ZFAND1: variants seen among roughly 807,000 people sequenced by gnomAD.
ZFAND1 encodes the protein zinc finger AN1-type containing 1, also known as AN1-type zinc finger protein 1.
Under a neutral mutation model 38.5 loss-of-function variants are expected in ZFAND1, and 40 were observed. The observed-to-expected ratio is 1.04, with a 90% CI of 0.81 to 1.35. ZFAND1 has a LOEUF of 1.35. ZFAND1 is among the 40% of genes most tolerant of loss of function. ZFAND1 has a pLI of 0.00. For synonymous variants in ZFAND1, 117 were observed against 103.6 expected (o/e 1.13, Z -0.78); for missense variants, 346 against 316.3 (o/e 1.09, Z -0.71).
intron 7 of ZFAND1, 25 bp from the exon 8 acceptor site, chr8:81,702,890 C>G: frequency 6.4e-7 from 1 of 1,566,052 alleles, no homozygotes; most frequent in South Asian, 1.2e-5. Context: ...GTAAGTCATA[C>G]TGTAATAAAT....
intron 6 of ZFAND1, among the ~76,000 whole-genome samples, chr8:81,705,831 T>G (rs1299778960): frequency 6.6e-6 from 1 of 152,184 alleles, no homozygotes; most frequent in Admixed American, 6.5e-5. Flanking sequence ...GGCACGAGAA[T>G]TGTTTGAACC....
At chr8:81,714,322 C>T (rs1808234851) in intron 5 of ZFAND1, 1 of 296,028 alleles carries the variant, frequency 3.4e-6, no homozygotes, top group East Asian at 7.4e-5. Flanking sequence ...CTACAGACAA[C>T]CTTAAGATTT....
At position 81,702,965 on chromosome 8, in the gene ZFAND1, T is replaced by C. The variant is rs750115084; in HGVS notation, c.636+4A>G. Reference sequence around the variant, plus strand: ...ATAGAAATATTATTATAATGAGATGTTACCTTAGCTGTAAATTTGTTATTG... The same window carrying C: ...ATAGAAATATTATTATAATGAGATGCTACCTTAGCTGTAAATTTGTTATTG... On this transcript the variant is annotated splice_donor_region_variant and intron_variant, in intron 7 of 7. Transcript: ENST00000220669. The C allele has an allele frequency of 2.0e-6, 3 of 1,502,786 alleles. No individual in the cohort carries two copies. In the South Asian group the frequency reaches 4.1e-5, roughly 20 times the overall value. 93.1% of individuals were successfully genotyped at this position (1,502,786 alleles called of 1,614,324 possible).
intron 1 of ZFAND1, 39 bp from the exon 2 acceptor site, chr8:81,718,263 G>A (rs764331902): frequency 6.9e-7 from 1 of 1,445,344 alleles, no homozygotes; most frequent in East Asian, 2.6e-5. Context: ...GTCAGTATCT[G>A]ATTTTGATTT....
intron 6 of ZFAND1, among the ~76,000 whole-genome samples, chr8:81,710,131 AAATACCAGTAGCAC>A (rs1033707064): frequency 3.3e-5 from 5 of 152,172 alleles, no homozygotes; most frequent in African/African-American, 1.2e-4. Context: ...TCTACCAACT[AAATACCAGTAGCAC>A]CCCATTCCCA....
chr8:81,718,670 AATAT>A (rs1388801146), intron 1 of ZFAND1, among the ~76,000 whole-genome samples: 1 of 149,348 alleles, frequency 6.7e-6, no homozygotes, highest in Non-Finnish European at 1.5e-5. Context: ...ATATCCAATA[AATAT>A]ATATATTTAT....
chr8:81,714,528 A>G (rs1808241292), intron 5 of ZFAND1: 1 of 381,100 alleles, frequency 2.6e-6, no homozygotes, highest in Admixed American at 4.0e-5. Context: ...CTTCAATCTC[A>G]TGAATACCAT....
Position 81,715,044 on chromosome 8 carries a change from G to A in ZFAND1, c.209C>T (p.Ala70Val). The A allele has an allele frequency of 6.2e-7, 1 of 1,614,098 alleles. No individual in the cohort carries two copies. Among genetic ancestry groups the A allele is most frequent in the Non-Finnish European group, 8.5e-7 (1 of 1,179,970 alleles). Reference protein sequence around the residue: ...TSYPCSFKDCAERELVAVICP... With the variant: ...TSYPCSFKDCVERELVAVICP... ...TATAACTGCCACAAGTTCTCTCTCA[G>A]CACAGTCTTTGAAAGAGCATGGGTA... is the stretch of plus-strand genomic sequence containing the variant. Residue 70 changes from alanine (A) to valine (V), a missense_variant, in exon 4 of 8, where the codon GCT (alanine) becomes GTT (valine). Coordinates refer to ENST00000220669, the MANE Select transcript of ZFAND1 (RefSeq NM_024699.3).
intron 6 of ZFAND1, among the ~76,000 whole-genome samples, chr8:81,705,126 G>A (rs1190261329): frequency 6.6e-6 from 1 of 152,154 alleles, no homozygotes; most frequent in Non-Finnish European, 1.5e-5. Flanking sequence ...TCCTGGGTCA[G>A]GCTCCCTGCT....
Position 81,701,638 on chromosome 8 carries a change from G to T in ZFAND1, c.*1057C>A, listed in dbSNP as rs1380216480. On this transcript the variant is annotated 3_prime_UTR_variant, in exon 8 of 8. Coordinates refer to ENST00000220669, the MANE Select transcript of ZFAND1 (RefSeq NM_024699.3). ...CAAATAACTATGCTAATGAATGAAA[G>T]TACAAGAACATAATAAAAGTTGGAA... 6.6e-6 allele frequency: 1 copy of T among 152,040 alleles called. No individual in the cohort carries two copies. The highest frequency in any genetic ancestry group is 1.5e-5 in the Non-Finnish European group (1 of 67,990). The allele number at this position is 152,040 out of a possible 1,614,324, so 9.4% of individuals were successfully genotyped here. A position where few individuals can be genotyped will look rare whatever the true frequency, so the allele number is the denominator to read the frequency against.
intron 6 of ZFAND1, among the ~76,000 whole-genome samples, chr8:81,706,713 A>AT (rs1399099333): frequency 4.6e-5 from 7 of 152,198 alleles, no homozygotes; most frequent in African/African-American, 1.7e-4. Context: ...ATGAGGAATA[A>AT]TTTTTAACTA....
Position 81,701,796 on chromosome 8 carries a change from C to T in ZFAND1, c.*899G>A, listed in dbSNP as rs1171111127. The T allele has an allele frequency of 1.3e-5, 2 of 151,790 alleles. No individual in the cohort carries two copies. The highest frequency in any genetic ancestry group is 2.9e-5 in the Non-Finnish European group (2 of 67,892). The allele number at this position is 151,790 out of a possible 1,614,324, so 9.4% of individuals were successfully genotyped here. A position where few individuals can be genotyped will look rare whatever the true frequency, so the allele number is the denominator to read the frequency against. ...TGTCCCTGACAATTAGAACAGAAAA[C>T]AAAAAAAGGACAAATAGAAATACTT... On this transcript the variant is annotated 3_prime_UTR_variant, in exon 8 of 8. Transcript: ENST00000220669.
Position 81,717,271 on chromosome 8 carries a change from C to A in ZFAND1, c.116G>T (p.Arg39Met). 3 of 1,542,312 alleles carry A rather than the reference C, an allele frequency of 1.9e-6. No individual in the cohort carries two copies. Among genetic ancestry groups the A allele is most frequent in the Non-Finnish European group, 1.7e-6 (2 of 1,154,096 alleles). ...SGIFCLEHRS[R>M]ESHGCPEVTV... The stretch of plus-strand genomic sequence containing the variant: ...TACCTCAGGACAACCATGAGACTCC[C>A]TGCTTCTGTGTTCAAGGCTTAAATA... Residue 39 changes from arginine (R) to methionine (M), a missense_variant, in exon 3 of 8, where the codon AGG (arginine) becomes ATG (methionine). By Grantham distance (91) the Arg-to-Met change is moderately conservative. Coordinates refer to ENST00000220669, the MANE Select transcript of ZFAND1 (RefSeq NM_024699.3).
intron 3 of ZFAND1, 107 bp from the exon 4 acceptor site, chr8:81,715,221 G>A (rs1312989617): frequency 3.5e-6 from 4 of 1,152,680 alleles, no homozygotes; most frequent in Non-Finnish European, 4.9e-6. Context: ...AAACTTATTA[G>A]AGCAAGTTAC....
chr8:81,707,897 A>G (rs1808028720), intron 6 of ZFAND1, among the ~76,000 whole-genome samples: 2 of 152,202 alleles, frequency 1.3e-5, no homozygotes, highest in Non-Finnish European at 2.9e-5. Context: ...GGAAGAAAAT[A>G]AAATTAAGCC....
chr8:81,704,829 A>G (rs1807925721), intron 6 of ZFAND1, among the ~76,000 whole-genome samples: 1 of 152,214 alleles, frequency 6.6e-6, no homozygotes, highest in Admixed American at 6.5e-5. Context: ...TTAAAAGAAA[A>G]AACAAGAAAT....
intron 1 of ZFAND1, among the ~76,000 whole-genome samples, chr8:81,719,415 G>A (rs1808408594): frequency 6.6e-6 from 1 of 151,404 alleles, no homozygotes; most frequent in Non-Finnish European, 1.5e-5. Context: ...GCTGAGGCAG[G>A]AGAATCGCTT....
At chr8:81,710,974 C>T (rs1808124312) in intron 6 of ZFAND1, among the ~76,000 whole-genome samples, 1 of 151,910 alleles carries the variant, frequency 6.6e-6, no homozygotes, top group Non-Finnish European at 1.5e-5. Context: ...ATAAAGCAAA[C>T]ACAGCAAAAT....
Position 81,702,471 on chromosome 8 carries a change from G to A in ZFAND1, c.*224C>T, listed in dbSNP as rs1807839099. ...GTCACTACAGCATAAACTAATGAAA[G>A]CTAATTAAATATAAGAATTTGCTAA... On this transcript the variant is annotated 3_prime_UTR_variant, in exon 8 of 8. Transcript: ENST00000220669. 3.4e-6 allele frequency: 1 copy of A among 295,084 alleles called. No homozygotes were observed. Among genetic ancestry groups the A allele is most frequent in the Non-Finnish European group, 6.1e-6 (1 of 163,602 alleles). 18.3% of individuals were successfully genotyped at this position (295,084 alleles called of 1,614,324 possible).
Sources: allele counts gnomAD v4.1 joint callset (sites outside exome capture counted in the v4.1 genomes callset), GRCh38; gene constraint gnomAD v4.1.1; transcripts MANE v1.5; gene names NCBI Gene and HGNC (gene_info 2026-07-23, HGNC 2026-07-21).